ANKRD30A: variants seen among roughly 807,000 people sequenced by gnomAD.
The protein encoded by ANKRD30A is ankyrin repeat domain 30A.
ANKRD30A carries 170 observed loss-of-function variants against 166.3 expected under a neutral mutation model. That is an observed-to-expected ratio of 1.02 (90% CI 0.90 to 1.16). The LOEUF is 1.16. Ranked by LOEUF, ANKRD30A falls within the 50% of genes most tolerant of loss-of-function variation. The pLI is 0.00. For missense variants in ANKRD30A, 1,630 were observed against 1,518.0 expected, an observed-to-expected ratio of 1.07 and a Z score of -1.23; for synonymous variants, 564 against 508.9, an observed-to-expected ratio of 1.11 and a Z score of -1.46.
the ANKRD30A span, among the ~76,000 whole-genome samples, chr10:37,243,134 ATTT>A: frequency 1.5e-5 from 2 of 136,754 alleles, no homozygotes. Flanking sequence ...TAATTTCCAA[ATTT>A]TTTTTTTTTT....
chr10:37,236,476 A>G (rs1843680973), downstream of ANKRD30A, among the ~76,000 whole-genome samples: 1 of 152,214 alleles, frequency 6.6e-6, no homozygotes, highest in Admixed American at 6.5e-5. Flanking sequence ...CACTGTGGGC[A>G]GACACATGTT....
At chr10:37,264,432 A>C in the ANKRD30A span, 2 of 174,846 alleles carry the variant, frequency 1.1e-5, no homozygotes, top group Non-Finnish European at 1.2e-5. Flanking sequence ...CCATAAGAAG[A>C]GGTAGCTAGG....
chr10:37,259,531 G>A, the ANKRD30A span, among the ~76,000 whole-genome samples: 3 of 152,186 alleles, frequency 2.0e-5, no homozygotes, highest in Non-Finnish European at 4.4e-5. Context: ...ACACAAGTGT[G>A]TACCAAAAGA....
chr10:37,232,582 A>G (rs1456759949), downstream of ANKRD30A: 1 of 143,494 alleles, frequency 7.0e-6, no homozygotes, highest in Non-Finnish European at 1.5e-5. Context: ...TTTTACTCAT[A>G]GTAAGAATCA....
chr10:37,222,915 A>G (rs1842961168), intron 34 of ANKRD30A, among the ~76,000 whole-genome samples: 1 of 151,476 alleles, frequency 6.6e-6, no homozygotes, highest in South Asian at 2.1e-4. Flanking sequence ...CATACATGCT[A>G]CCTGTTATTG....
At chr10:37,198,236 C>T (rs1269017595) in intron 29 of ANKRD30A, among the ~76,000 whole-genome samples, 1 of 151,950 alleles carries the variant, frequency 6.6e-6, no homozygotes, top group Admixed American at 6.6e-5. Flanking sequence ...TTAATATGTA[C>T]AATTTTTTTC....
At position 37,216,896 on chromosome 10, in the gene ANKRD30A, C is replaced by T. The variant is rs183234672; in HGVS notation, c.3083+502C>T. Among the ~76,000 whole-genome samples the T allele has an allele frequency of 4.6e-5, 7 of 150,952 alleles. No individual in the cohort carries two copies. In the Admixed American group the frequency reaches 4.6e-4, roughly 10 times the overall value. On this transcript the variant is annotated intron_variant, in intron 32 of 35. Transcript: ENST00000361713. ...GCGTGAAATGGCCATTCTTCTTTCCCCAAGACTCGATTTCTTTCAATTATA... is the reference window on the plus strand; with the variant it reads ...GCGTGAAATGGCCATTCTTCTTTCCTCAAGACTCGATTTCTTTCAATTATA...
At chr10:37,136,818 T>G (rs1309822586) in intron 6 of ANKRD30A, 147 bp downstream of exon 6, 1 of 218,082 alleles carries the variant, frequency 4.6e-6, no homozygotes, top group Middle Eastern at 1.1e-3. Context: ...TGTGTATGTG[T>G]GTGTGTGTGT....
intron 31 of ANKRD30A, among the ~76,000 whole-genome samples, chr10:37,215,747 T>C (rs1842569181): frequency 6.6e-6 from 1 of 151,514 alleles, no homozygotes; most frequent in Non-Finnish European, 1.5e-5. Flanking sequence ...TCAATACCCA[T>C]TGTTCTCTTT....
chr10:37,239,727 G>A, the ANKRD30A span, among the ~76,000 whole-genome samples: 1 of 152,060 alleles, frequency 6.6e-6, no homozygotes, highest in African/African-American at 2.4e-5. Context: ...AGGTTTAACA[G>A]CACTACACGT....
At chr10:37,257,282 T>C in the ANKRD30A span, among the ~76,000 whole-genome samples, 1 of 152,004 alleles carries the variant, frequency 6.6e-6, no homozygotes, top group African/African-American at 2.4e-5. Flanking sequence ...GATTCTTCTC[T>C]CTTTTCTTCT....
At chr10:37,202,456 C>T (rs1841697965) in intron 31 of ANKRD30A, among the ~76,000 whole-genome samples, 2 of 152,154 alleles carry the variant, frequency 1.3e-5, no homozygotes, top group African/African-American at 4.8e-5. Context: ...AAAGGCACCA[C>T]ATACCAGAAT....
chr10:37,265,132 G>A, the ANKRD30A span, among the ~76,000 whole-genome samples: 5 of 152,136 alleles, frequency 3.3e-5, no homozygotes, highest in African/African-American at 1.2e-4. Flanking sequence ...GAACTAGAAA[G>A]ACTGAGATTA....
At chr10:37,128,526 ATTAATCATTT>A (rs1836187553) in intron 1 of ANKRD30A, among the ~76,000 whole-genome samples, 1 of 152,006 alleles carries the variant, frequency 6.6e-6, no homozygotes, top group South Asian at 2.1e-4. Flanking sequence ...ATAACTACAG[ATTAATCATTT>A]TAGTGTAGTT....
At position 37,162,845 on chromosome 10, in the gene ANKRD30A, GC is replaced by G; in HGVS notation, c.2000del (p.Ala667GlufsTer44). ...ATTGAAAAATGAACAAACATTGAGA[GC>G]AGGTAAATTTTTCAATGTAACTATG... ...LELKNEQTLR[A>X]DEILPSESKQ... On this transcript the variant is annotated frameshift_variant and splice_region_variant, in exon 17 of 36. Coordinates refer to ENST00000361713, the MANE Select transcript of ANKRD30A (RefSeq NM_052997.3). LOFTEE classifies it high-confidence loss of function. The G allele has an allele frequency of 6.2e-7, 1 of 1,613,102 alleles. No homozygotes were observed. Among genetic ancestry groups the G allele is most frequent in the South Asian group, 1.1e-5 (1 of 91,018 alleles).
intron 11 of ANKRD30A, among the ~76,000 whole-genome samples, chr10:37,150,340 G>A (rs942994060): frequency 3.3e-5 from 5 of 151,910 alleles, no homozygotes; most frequent in South Asian, 2.1e-4. Flanking sequence ...GTGTGTCTGC[G>A]TGTGTTCCTG....
intron 27 of ANKRD30A, among the ~76,000 whole-genome samples, chr10:37,194,487 C>T (rs997855753): frequency 4.6e-5 from 7 of 151,796 alleles, no homozygotes; most frequent in Non-Finnish European, 7.4e-5. Flanking sequence ...ACTCCAGGCG[C>T]GTGCCACCAC....
intron 27 of ANKRD30A, among the ~76,000 whole-genome samples, chr10:37,196,939 GA>G (rs1272925453): frequency 6.6e-6 from 1 of 152,136 alleles, no homozygotes; most frequent in African/African-American, 2.4e-5. Flanking sequence ...AGGATGAATG[GA>G]ATAATATAAG....
At chr10:37,246,207 G>A in the ANKRD30A span, among the ~76,000 whole-genome samples, 2 of 152,196 alleles carry the variant, frequency 1.3e-5, no homozygotes, top group Non-Finnish European at 2.9e-5. Flanking sequence ...AAGTTTCATT[G>A]TGAATCAAAG....
Sources: allele counts gnomAD v4.1 joint callset (sites outside exome capture counted in the v4.1 genomes callset), GRCh38; gene constraint gnomAD v4.1.1; transcripts MANE v1.5; gene names NCBI Gene and HGNC (gene_info 2026-07-23, HGNC 2026-07-21).